Variants in EXOC4 observed in about 807,000 individuals in gnomAD.
EXOC4 encodes the protein exocyst complex component 4.
In EXOC4, 71 loss-of-function variants were observed where a neutral mutation model predicts 107.2. That is an observed-to-expected ratio of 0.66 (90% CI 0.55 to 0.81). The LOEUF is 0.81. EXOC4 is among the 30% of genes least tolerant of loss of function. EXOC4 has a pLI of 0.00. For missense variants in EXOC4, 1,108 were observed against 1,189.6 expected, an observed-to-expected ratio of 0.93 and a Z score of 1.01; for synonymous variants, 456 against 441.2, an observed-to-expected ratio of 1.03 and a Z score of -0.42.
chr7:133,562,304 G>A (rs761709160), intron 9 of EXOC4, among the ~76,000 whole-genome samples: 2 of 152,128 alleles, frequency 1.3e-5, no homozygotes, highest in Non-Finnish European at 2.9e-5. Flanking sequence ...TGATATGAAG[G>A]CAGTATGAGA....
intron 10 of EXOC4, among the ~76,000 whole-genome samples, chr7:133,751,488 C>T (rs955161196): frequency 6.6e-6 from 1 of 152,146 alleles, no homozygotes; most frequent in Non-Finnish European, 1.5e-5. Flanking sequence ...GGTGTTACAT[C>T]TTTTCAGAAA....
intron 10 of EXOC4, among the ~76,000 whole-genome samples, chr7:133,666,458 A>G (rs1259120616): frequency 3.3e-5 from 5 of 152,154 alleles, no homozygotes; most frequent in South Asian, 2.1e-4. Context: ...CACCATCTCT[A>G]TACTCACAAT....
At chr7:133,490,188 C>T (rs1213300386) in intron 9 of EXOC4, among the ~76,000 whole-genome samples, 1 of 152,176 alleles carries the variant, frequency 6.6e-6, no homozygotes, top group Non-Finnish European at 1.5e-5. Flanking sequence ...CAGTAACTTC[C>T]TGGACCAGAG....
At chr7:133,660,819 C>T (rs183006356) in intron 10 of EXOC4, among the ~76,000 whole-genome samples, 144 of 152,154 alleles carry the variant, frequency 9.5e-4, no homozygotes, top group African/African-American at 3.0e-3. Context: ...GATGTACTGC[C>T]GCCTTCAGAA....
At chr7:133,430,930 CTTGTCCATT>C (rs1391206656) in intron 7 of EXOC4, among the ~76,000 whole-genome samples, 1 of 152,184 alleles carries the variant, frequency 6.6e-6, no homozygotes, top group Non-Finnish European at 1.5e-5. Context: ...GTTTAGGCAC[CTTGTCCATT>C]TTGTTCACTT....
At chr7:133,258,863 TATGTAAAAC>T (rs1795077137) in intron 1 of EXOC4, among the ~76,000 whole-genome samples, 1 of 152,210 alleles carries the variant, frequency 6.6e-6, no homozygotes, top group South Asian at 2.1e-4. Flanking sequence ...GTTATGTGTG[TATGTAAAAC>T]ATGTAAAATA....
chr7:133,654,883 GGTAA>G (rs1410718281), intron 10 of EXOC4, among the ~76,000 whole-genome samples: 1 of 152,064 alleles, frequency 6.6e-6, no homozygotes, highest in Non-Finnish European at 1.5e-5. Flanking sequence ...GCAACACAAT[GGTAA>G]GTACTTGTGT....
intron 17 of EXOC4, among the ~76,000 whole-genome samples, chr7:134,009,673 C>T (rs2116354648): frequency 6.6e-6 from 1 of 152,218 alleles, no homozygotes; most frequent in South Asian, 2.1e-4. Flanking sequence ...TTAGTCTAGT[C>T]ATAATAACAT....
chr7:133,718,330 A>G (rs183048066), intron 10 of EXOC4, among the ~76,000 whole-genome samples: 28 of 152,286 alleles, frequency 1.8e-4, no homozygotes, highest in Admixed American at 2.0e-4. Flanking sequence ...CAAGCAGTTC[A>G]ATTTAGGGCC....
At chr7:134,043,140 A>AT (rs74570025) in intron 17 of EXOC4, among the ~76,000 whole-genome samples, 25,565 of 150,930 alleles carry the variant, frequency 0.17, 2,698 homozygotes, top group East Asian at 0.42. Context: ...AGTCTACTCC[A>AT]TTTTTTTTTC....
At chr7:134,005,897 G>A (rs557039923) in intron 16 of EXOC4, among the ~76,000 whole-genome samples, 2 of 152,126 alleles carry the variant, frequency 1.3e-5, no homozygotes, top group Non-Finnish European at 2.9e-5. Context: ...GCAAATTTGG[G>A]CCCCCCAAAA....
At chr7:133,755,289 C>A (rs188355475) in intron 10 of EXOC4, among the ~76,000 whole-genome samples, 45 of 91,880 alleles carry the variant, frequency 4.9e-4, no homozygotes, top group African/African-American at 2.1e-3. Flanking sequence ...ATATTATATA[C>A]ATATTATATA....
the EXOC4 span, among the ~76,000 whole-genome samples, chr7:134,080,585 T>C: frequency 6.6e-6 from 1 of 151,882 alleles, no homozygotes; most frequent in Non-Finnish European, 1.5e-5. Context: ...AGAATGACGG[T>C]AGTGGCTTCA....
intron 17 of EXOC4, among the ~76,000 whole-genome samples, chr7:134,032,143 C>G (rs1795285222): frequency 6.6e-6 from 1 of 152,146 alleles, no homozygotes; most frequent in Admixed American, 6.5e-5. Flanking sequence ...AGAAAGAGGC[C>G]TCTTGTCATA....
At chr7:133,856,541 A>G (rs1798376679) in intron 11 of EXOC4, among the ~76,000 whole-genome samples, 1 of 152,066 alleles carries the variant, frequency 6.6e-6, no homozygotes, top group African/African-American at 2.4e-5. Context: ...GGAGTATCCA[A>G]CATGTAGTAG....
At chr7:133,964,230 C>T (rs1024689697) in intron 14 of EXOC4, among the ~76,000 whole-genome samples, 9 of 152,104 alleles carry the variant, frequency 5.9e-5, no homozygotes, top group Admixed American at 3.9e-4. Context: ...CTCCTGGCTC[C>T]TTGTCCAGTT....
At chr7:133,895,406 G>C (rs1404692685) in intron 11 of EXOC4, among the ~76,000 whole-genome samples, 193 bp from the exon 12 acceptor site, 2 of 152,088 alleles carry the variant, frequency 1.3e-5, no homozygotes, top group Non-Finnish European at 2.9e-5. Flanking sequence ...GCTCACGCTG[G>C]GAGCTGTAGA....
Position 133,270,035 on chromosome 7 carries a change from A to T in EXOC4, c.87-4947A>T, listed in dbSNP as rs145896191. On this transcript the variant is annotated intron_variant, in intron 1 of 17. Transcript: ENST00000253861. ...CGTGTCGTGGGAGCAACTCAGTAGG[A>T]GGTGATTGAATTATGGGGGTGGGTC... is the stretch of plus-strand genomic sequence containing the variant. 7.0e-3 allele frequency among the ~76,000 whole-genome samples: 1,068 copies of T among 152,176 alleles called. 14 individuals are homozygous for T. The highest frequency in any genetic ancestry group is 0.024 in the African/African-American group (1,016 of 41,532).
intron 7 of EXOC4, among the ~76,000 whole-genome samples, chr7:133,417,969 A>G (rs1474285929): frequency 6.6e-6 from 1 of 152,190 alleles, no homozygotes; most frequent in African/African-American, 2.4e-5. Flanking sequence ...ATTAATAACT[A>G]AATGTCTCTT....
Sources: gnomAD v4.1 joint callset for allele counts (sites outside exome capture counted in the v4.1 genomes callset) on GRCh38, gnomAD v4.1.1 for gene constraint, MANE v1.5 for transcripts, NCBI Gene and HGNC (gene_info 2026-07-23, HGNC 2026-07-21) for gene names.